LUZP1: variants seen among roughly 807,000 people sequenced by gnomAD.
LUZP1 encodes the protein filamin mechanobinding actin cross-linking protein.
LUZP1 carries 25 observed loss-of-function variants against 71.3 expected under a neutral mutation model. That is an observed-to-expected ratio of 0.35 (90% CI 0.26 to 0.49). The LOEUF (loss-of-function observed/expected upper bound fraction) is 0.49. Ranked by LOEUF, LUZP1 falls within the 20% of genes least tolerant of loss-of-function variation. The pLI is 0.99. For synonymous variants in LUZP1, 481 were observed against 506.4 expected (o/e 0.95, Z 0.67); for missense variants, 1,142 against 1,300.8 (o/e 0.88, Z 1.88).
chr1:23,161,401 A>G (rs1644463061), intron 2 of LUZP1, among the ~76,000 whole-genome samples: 1 of 152,182 alleles, frequency 6.6e-6, no homozygotes, highest in Non-Finnish European at 1.5e-5. Flanking sequence ...AAGAGCAGGG[A>G]AAAGAAGTGT....
At chr1:23,149,630 G>A (rs1465795523) in intron 2 of LUZP1, among the ~76,000 whole-genome samples, 1 of 152,136 alleles carries the variant, frequency 6.6e-6, no homozygotes, top group East Asian at 1.9e-4. Context: ...CTTAAAAAGT[G>A]AGTGAGTGTA....
At chr1:23,133,045 T>G (rs898630746) in intron 2 of LUZP1, among the ~76,000 whole-genome samples, 17 of 152,168 alleles carry the variant, frequency 1.1e-4, no homozygotes, top group Admixed American at 6.5e-5. Context: ...AAGCCTAGAC[T>G]AGGTCCCTTC....
At position 23,150,822 on chromosome 1, in the gene LUZP1, A is replaced by G. The variant is rs547268937; in HGVS notation, c.-226+17944T>C. On this transcript the variant is annotated intron_variant, in intron 2 of 4. Transcript: ENST00000302291. ...AATCATCTCCAAAACCCACTTTCCC[A>G]GAAGCTGGACCTGAAATATCCTTTA... Among the ~76,000 whole-genome samples, 3 of 152,308 alleles carry G rather than the reference A, an allele frequency of 2.0e-5. No individual in the cohort carries two copies. In the East Asian group the frequency reaches 5.8e-4, roughly 29 times the overall value.
chr1:23,168,129 A>C (rs2148218672), intron 2 of LUZP1, among the ~76,000 whole-genome samples: 3 of 142,004 alleles, frequency 2.1e-5, no homozygotes, highest in South Asian at 5.0e-4. Flanking sequence ...CGCGGCCGAC[A>C]GCTGCGGCGG....
At chr1:23,144,824 C>T (rs1237069951) in intron 2 of LUZP1, among the ~76,000 whole-genome samples, 1 of 152,046 alleles carries the variant, frequency 6.6e-6, no homozygotes, top group Non-Finnish European at 1.5e-5. Context: ...TTATTTTTCT[C>T]TTTCAGGTTG....
intron 3 of LUZP1, among the ~76,000 whole-genome samples, chr1:23,098,648 C>A (rs1235011399): frequency 1.3e-5 from 2 of 152,056 alleles, no homozygotes; most frequent in Non-Finnish European, 2.9e-5. Context: ...CGACAGACGG[C>A]AGCAACGATA....
chr1:23,142,910 A>C (rs1029580934), intron 2 of LUZP1, among the ~76,000 whole-genome samples: 8 of 151,648 alleles, frequency 5.3e-5, no homozygotes, highest in Middle Eastern at 3.2e-3. Context: ...TCATACCTAT[A>C]ATCCTGGCAC....
intron 2 of LUZP1, among the ~76,000 whole-genome samples, chr1:23,153,560 G>GTATT (rs1410742150): frequency 5.3e-5 from 8 of 151,958 alleles, no homozygotes; most frequent in African/African-American, 1.9e-4. Flanking sequence ...AGTCATTTTA[G>GTATT]TCAATGGTAT....
At chr1:23,141,426 TG>T (rs2124708072) in intron 2 of LUZP1, among the ~76,000 whole-genome samples, 1 of 152,282 alleles carries the variant, frequency 6.6e-6, no homozygotes, top group African/African-American at 2.4e-5. Flanking sequence ...ACCACTCACA[TG>T]GGTATCACTG....
chr1:23,091,799 A>C, exon 4 of LUZP1: 1 of 1,614,084 alleles, frequency 6.2e-7, no homozygotes, highest in Non-Finnish European at 8.5e-7. Context: ...GGATATTGCT[A>C]GTGGATGTGT....
intron 2 of LUZP1, among the ~76,000 whole-genome samples, chr1:23,131,568 A>G (rs1557665882): frequency 1.3e-5 from 2 of 152,258 alleles, no homozygotes; most frequent in Admixed American, 1.3e-4. Context: ...GGTATGCAGA[A>G]GGCAGTCAAT....
intron 2 of LUZP1, among the ~76,000 whole-genome samples, chr1:23,117,298 G>A (rs1198028025): frequency 6.6e-6 from 1 of 152,146 alleles, no homozygotes; most frequent in Non-Finnish European, 1.5e-5. Flanking sequence ...TTCCACAACT[G>A]TATATAGAGA....
intron 3 of LUZP1, among the ~76,000 whole-genome samples, chr1:23,096,701 G>A (rs569800252): frequency 4.4e-4 from 67 of 152,140 alleles, no homozygotes; most frequent in African/African-American, 1.4e-3. Flanking sequence ...GGCCAGGTGC[G>A]GTGGCTCACG....
At chr1:23,108,930 C>T (rs577461822) in intron 3 of LUZP1, 92 bp downstream of exon 2, 4 of 152,274 alleles carry the variant, frequency 2.6e-5, no homozygotes, top group Admixed American at 2.6e-4. Flanking sequence ...ACTGACTTTC[C>T]TCCCCACTTC....
intron 2 of LUZP1, among the ~76,000 whole-genome samples, chr1:23,138,875 A>G (rs1483958534): frequency 2.0e-5 from 3 of 149,408 alleles, no homozygotes; most frequent in African/African-American, 7.4e-5. Context: ...GCACGTGCCT[A>G]TAGTCCCAGC....
At chr1:23,151,366 C>T (rs1644382347) in intron 2 of LUZP1, among the ~76,000 whole-genome samples, 1 of 152,108 alleles carries the variant, frequency 6.6e-6, no homozygotes, top group African/African-American at 2.4e-5. Context: ...TCTAAGCCCC[C>T]TTTGCATGCT....
intron 2 of LUZP1, among the ~76,000 whole-genome samples, chr1:23,142,698 T>TACACACAC (rs758077526): frequency 2.4e-4 from 24 of 101,480 alleles, no homozygotes; most frequent in African/African-American, 4.9e-4. Flanking sequence ...TATATATATA[T>TACACACAC]ATACACACAC....
At chr1:23,129,169 G>C (rs539861176) in intron 2 of LUZP1, among the ~76,000 whole-genome samples, 2 of 152,280 alleles carry the variant, frequency 1.3e-5, no homozygotes, top group South Asian at 4.1e-4. Flanking sequence ...GTGTGTATGT[G>C]GTGGGGCATA....
Position 23,105,428 on chromosome 1 carries a change from T to C in LUZP1, c.-120+3594A>G, listed in dbSNP as rs536135604. Among the ~76,000 whole-genome samples, 221 of 152,156 alleles carry C rather than the reference T, an allele frequency of 1.5e-3. 4 individuals are homozygous for C. The Middle Eastern group carries it at 0.02, about 14-fold the overall frequency. On this transcript the variant is annotated intron_variant, in intron 3 of 4. Coordinates refer to ENST00000302291, the Ensembl canonical transcript of LUZP1. ...TACAATGATTAAAGTTTACGAACTC[T>C]GAAGCCAGGCAGCCTAAGTTCAAAC...
Sources: allele counts gnomAD v4.1 joint callset (sites outside exome capture counted in the v4.1 genomes callset), GRCh38; gene constraint gnomAD v4.1.1; transcripts MANE v1.5; gene names NCBI Gene and HGNC (gene_info 2026-07-23, HGNC 2026-07-21).